The following GLRA1 variants were observed in gnomAD, a reference collection of about 807,000 sequenced individuals.
The protein encoded by GLRA1 is glycine receptor subunit alpha-1.
GLRA1 carries 37 observed loss-of-function variants against 48.3 expected under a neutral mutation model. The observed-to-expected ratio is 0.77, with a 90% confidence interval of 0.59 to 1.01. The LOEUF (loss-of-function observed/expected upper bound fraction) is 1.01, where lower values mean the gene tolerates loss of function less well. GLRA1 is among the 50% of genes least tolerant of loss of function. The pLI is 0.00. For missense variants in GLRA1, 427 were observed against 571.0 expected (o/e 0.75, Z 2.57); for synonymous variants, 196 against 210.7 (o/e 0.93, Z 0.60).
At chr5:151,856,572 G>A (rs538293530) in intron 4 of GLRA1, among the ~76,000 whole-genome samples, 189 bp from the exon 5 acceptor site, 37 of 152,068 alleles carry the variant, frequency 2.4e-4, no homozygotes, top group Non-Finnish European at 4.3e-4. Context: ...AGGCTGGAGC[G>A]CAATGATGCA....
At chr5:151,825,612 C>G (rs1048026593) in intron 8 of GLRA1, among the ~76,000 whole-genome samples, 2 of 152,180 alleles carry the variant, frequency 1.3e-5, no homozygotes, top group African/African-American at 4.8e-5. Flanking sequence ...CAGGGGAAAT[C>G]TGGTAGTGTA....
intron 7 of GLRA1, among the ~76,000 whole-genome samples, chr5:151,847,319 G>C (rs1752700596): frequency 6.6e-6 from 1 of 152,210 alleles, no homozygotes; most frequent in African/African-American, 2.4e-5. Context: ...TTAAAAGAGA[G>C]TGAAGTAGAA....
chr5:151,831,935 A>G (rs1032580678), intron 7 of GLRA1, among the ~76,000 whole-genome samples: 6 of 152,184 alleles, frequency 3.9e-5, no homozygotes, highest in Non-Finnish European at 7.4e-5. Context: ...TCTGGGATGA[A>G]GCTTCCAGAG....
intron 7 of GLRA1, among the ~76,000 whole-genome samples, chr5:151,845,090 A>G (rs1026019985): frequency 6.6e-6 from 1 of 152,112 alleles, no homozygotes; most frequent in Non-Finnish European, 1.5e-5. Flanking sequence ...GGTTTGTTAC[A>G]TAGGTGTATT....
intron 1 of GLRA1, among the ~76,000 whole-genome samples, chr5:151,910,509 A>C (rs1302474327): frequency 6.6e-6 from 1 of 152,214 alleles, no homozygotes; most frequent in Non-Finnish European, 1.5e-5. Context: ...CCTACTGTAC[A>C]GACTGTTTTG....
At chr5:151,858,785 G>A (rs531665998) in intron 4 of GLRA1, among the ~76,000 whole-genome samples, 16 of 151,956 alleles carry the variant, frequency 1.1e-4, no homozygotes, top group Admixed American at 4.6e-4. Flanking sequence ...AAAAAAAAAC[G>A]TGTTTCCCTG....
At chr5:151,902,380 C>G (rs1754386548) in intron 1 of GLRA1, among the ~76,000 whole-genome samples, 2 of 151,978 alleles carry the variant, frequency 1.3e-5, no homozygotes, top group Admixed American at 1.3e-4. Flanking sequence ...CGGACAATAC[C>G]TTCTTGACTG....
At chr5:151,920,167 T>C (rs967317646) in intron 1 of GLRA1, among the ~76,000 whole-genome samples, 21 of 152,204 alleles carry the variant, frequency 1.4e-4, no homozygotes, top group African/African-American at 5.1e-4. Flanking sequence ...TCACCACTGG[T>C]CAATTCATCC....
rs573269256 is a variant in GLRA1 at position 151,824,049 on chromosome 5, C to T, written c.1060-1086G>A. ...GATAATGCTTTCAGGAAAAGAACACCGTCTTCTGCTTGTTCCTGTGCAGGA... is the reference window on the plus strand; with the variant it reads ...GATAATGCTTTCAGGAAAAGAACACTGTCTTCTGCTTGTTCCTGTGCAGGA... On this transcript the variant is annotated intron_variant, in intron 8 of 8. Coordinates refer to ENST00000274576, the MANE Select transcript of GLRA1 (RefSeq NM_000171.4). Among the ~76,000 whole-genome samples the T allele has an allele frequency of 7.9e-5, 12 of 151,140 alleles. No individual in the cohort carries two copies. The South Asian group carries it at 1.5e-3, about 19-fold the overall frequency.
At chr5:151,850,285 T>A in intron 7 of GLRA1, 1 of 1,604,422 alleles carries the variant, frequency 6.2e-7, no homozygotes. Context: ...CAGTGGGAAT[T>A]TCAAACCGGA....
Position 151,849,132 on chromosome 5 carries a change from C to CTT in GLRA1, c.912+2256_912+2257dup, listed in dbSNP as rs1350255112. 9.9e-6 allele frequency: 2 copies of CTT among 201,072 alleles called. 1 individual carries two copies. The highest frequency in any genetic ancestry group is 1.7e-5 in the Non-Finnish European group (2 of 115,964). The allele number at this position is 201,072 out of a possible 1,614,324, so 12.5% of individuals were successfully genotyped here. ...TCTTTCTTTCTTTCTTTCTTTCTTT[C>CTT]TTTCTTTCTTTCTTTCTTTCTTTTC... On this transcript the variant is annotated intron_variant, in intron 7 of 8. Coordinates refer to ENST00000274576, the MANE Select transcript of GLRA1 (RefSeq NM_000171.4).
chr5:151,861,734 G>A (rs901807127), intron 3 of GLRA1, among the ~76,000 whole-genome samples: 2 of 152,134 alleles, frequency 1.3e-5, no homozygotes, highest in Non-Finnish European at 2.9e-5. Context: ...GGATGTGAAG[G>A]ACCTCTTCAA....
chr5:151,841,068 A>G (rs1314288288), intron 7 of GLRA1, among the ~76,000 whole-genome samples: 2 of 152,160 alleles, frequency 1.3e-5, no homozygotes, highest in African/African-American at 4.8e-5. Flanking sequence ...ACAGTAACAG[A>G]AGAATGTACA....
At chr5:151,905,195 A>T (rs564939215) in intron 1 of GLRA1, among the ~76,000 whole-genome samples, 2 of 152,168 alleles carry the variant, frequency 1.3e-5, no homozygotes, top group Non-Finnish European at 2.9e-5. Context: ...TAAAGCAAAA[A>T]ATGCACATTG....
At chr5:151,856,503 GTGTT>G (rs1484430272) in intron 4 of GLRA1, 120 bp from the exon 5 acceptor site, 26 of 688,936 alleles carry the variant, frequency 3.8e-5, no homozygotes, top group Non-Finnish European at 7.0e-5. Flanking sequence ...CAGGGAACTT[GTGTT>G]TGTTTTTTTG....
intron 3 of GLRA1, among the ~76,000 whole-genome samples, chr5:151,873,224 T>C (rs2113381954): frequency 6.7e-6 from 1 of 149,718 alleles, no homozygotes; most frequent in East Asian, 1.9e-4. Context: ...AAATGGATTT[T>C]AGGGCCTAGA....
At chr5:151,912,849 A>G (rs1320645527) in intron 1 of GLRA1, among the ~76,000 whole-genome samples, 1 of 152,212 alleles carries the variant, frequency 6.6e-6, no homozygotes, top group Non-Finnish European at 1.5e-5. Context: ...TGCTTTTCAC[A>G]TGCATCAAGA....
intron 1 of GLRA1, among the ~76,000 whole-genome samples, chr5:151,918,655 C>T (rs1261134228): frequency 2.6e-5 from 4 of 152,186 alleles, no homozygotes; most frequent in East Asian, 1.9e-4. Flanking sequence ...TATAGAATTG[C>T]GAGGGATTGT....
intron 3 of GLRA1, chr5:151,875,517 A>G (rs1753604408): frequency 1.3e-5 from 2 of 152,134 alleles, no homozygotes; most frequent in African/African-American, 4.8e-5. Flanking sequence ...GTTTTCTTGT[A>G]TCTTGAGGCC....
Sources: allele counts gnomAD v4.1 joint callset (sites outside exome capture counted in the v4.1 genomes callset), GRCh38; gene constraint gnomAD v4.1.1; transcripts MANE v1.5; gene names NCBI Gene and HGNC (gene_info 2026-07-23, HGNC 2026-07-21).